Variants in DHRS12 observed in about 807,000 individuals in gnomAD.
The protein encoded by DHRS12 is dehydrogenase/reductase SDR family member 12.
Under a neutral mutation model 32.1 loss-of-function variants are expected in DHRS12, and 29 were observed. That is an observed-to-expected ratio of 0.90 (90% CI 0.67 to 1.23). DHRS12 has a LOEUF of 1.23. Ranked by LOEUF, DHRS12 falls within the 50% of genes most tolerant of loss-of-function variation. DHRS12 has a pLI of 0.00. For missense variants in DHRS12, 330 were observed against 337.2 expected (o/e 0.98, Z 0.17); for synonymous variants, 150 against 135.9 (o/e 1.10, Z -0.72).
chr13:51,770,795 C>T (rs1234664748), intron 7 of DHRS12: 1 of 1,024,664 alleles, frequency 9.8e-7, no homozygotes, highest in Non-Finnish European at 1.2e-6. Context: ...AACTTGGTAT[C>T]TTCATTTAAT....
intron 1 of DHRS12, 27 bp from the exon 2 acceptor site, chr13:51,799,694 C>G: frequency 6.2e-7 from 1 of 1,611,320 alleles, no homozygotes; most frequent in Non-Finnish European, 8.5e-7. Context: ...CACAGGAAGA[C>G]CAGCTGTAAG....
intron 2 of DHRS12, 39 bp downstream of exon 2, chr13:51,799,495 C>T (rs752788272): frequency 2.5e-6 from 4 of 1,609,860 alleles, no homozygotes; most frequent in South Asian, 1.1e-5. Context: ...GCAGTCTGGC[C>T]GTGGGGCTCA....
At position 51,787,797 on chromosome 13, in the gene DHRS12, T is replaced by TAATATACA. The variant is rs10657566; in HGVS notation, c.301+2213_301+2214insTGTATATT. On this transcript the variant is annotated intron_variant, in intron 4 of 8. Transcript: ENST00000444610. Reference sequence around the variant, plus strand: ...TTATATATAATTTATAATATATTAATATATATTTATATATAATTTATATAT... The same window carrying TAATATACA: ...TTATATATAATTTATAATATATTAATAATATACAATATATTTATATATAATTTATATAT... Among the ~76,000 whole-genome samples, 3 of 125,966 alleles carry TAATATACA rather than the reference T, an allele frequency of 2.4e-5. No individual in the cohort carries two copies. The South Asian group carries it at 6.5e-4, about 27-fold the overall frequency. The allele number at this position is 125,966 out of a possible 152,430, so 82.6% of individuals were successfully genotyped here.
At position 51,782,612 on chromosome 13, in the gene DHRS12, CTGG is replaced by C. The variant is rs1954768326; in HGVS notation, c.302-5494_302-5492del. On this transcript the variant is annotated intron_variant, in intron 4 of 8. Transcript: ENST00000444610. This position sits in a 1 kb window ranked among gnomAD's most constrained non-coding sequence, Gnocchi z 4.2. The stretch of plus-strand genomic sequence containing the variant: ...CCCGGGACTCGGGGACCATGAGAGG[CTGG>C]TGGAGGAAGTGCTGTGCAGGCTTTT... Among the ~76,000 whole-genome samples, 1 of 152,140 alleles carries C rather than the reference CTGG, an allele frequency of 6.6e-6. No homozygotes were observed. Among genetic ancestry groups the C allele is most frequent in the Admixed American group, 6.5e-5 (1 of 15,276 alleles).
intron 4 of DHRS12, among the ~76,000 whole-genome samples, chr13:51,778,087 A>G (rs1954529448): frequency 6.6e-6 from 1 of 152,210 alleles, no homozygotes; most frequent in South Asian, 2.1e-4. Context: ...GCTGCCTGGC[A>G]TCGTGGGAAG....
At chr13:51,770,966 A>C (rs1462357159) in intron 7 of DHRS12, 1 of 1,332,692 alleles carries the variant, frequency 7.5e-7, no homozygotes, top group African/African-American at 1.5e-5. Flanking sequence ...TCTTAGGATG[A>C]ATTCCAAGGC....
At position 51,773,958 on chromosome 13, in the gene DHRS12, T is replaced by A; in HGVS notation, c.440A>T (p.Asp147Val). 6.2e-7 allele frequency: 1 copy of A among 1,614,076 alleles called. No homozygotes were observed. The highest frequency in any genetic ancestry group is 8.5e-7 in the Non-Finnish European group (1 of 1,179,946). Residue 147 changes from aspartate (D) to valine (V), a missense_variant, in exon 6 of 9, where the codon GAT becomes GTT. Transcript: ENST00000444610. Reference protein sequence around the residue: ...NDLQSERTPFDGTMVYAQNKR... With the variant: ...NDLQSERTPFVGTMVYAQNKR... ...GTTTTGTGCATAGACCATAGTTCCA[T>A]CAAATGGTGTTCTTTCGGACTGGAG...
intron 4 of DHRS12, among the ~76,000 whole-genome samples, chr13:51,785,701 G>A (rs1489278145): frequency 6.6e-6 from 1 of 152,226 alleles, no homozygotes; most frequent in Admixed American, 6.5e-5. Context: ...GCCCAGCTGA[G>A]ATCAGCCTGC....
rs1326849830 is a variant in DHRS12, at chr13:51,768,171, C to CTG, written c.*14_*15dup. 6.5e-7 allele frequency: 1 copy of CTG among 1,536,146 alleles called. No homozygotes were observed. The highest frequency in any genetic ancestry group is 2.0e-5 in the Admixed American group (1 of 51,006). ...CTTCTAAGGCAATTCTGGTACCGCA[C>CTG]TGTGTCTGGGTTGGCCTATTTAAAT... On this transcript the variant is annotated 3_prime_UTR_variant, in exon 9 of 9. Coordinates refer to ENST00000444610, the MANE Select transcript of DHRS12 (RefSeq NM_001377533.1).
chr13:51,779,453 CA>C (rs1468994666), intron 4 of DHRS12, among the ~76,000 whole-genome samples: 4 of 152,196 alleles, frequency 2.6e-5, no homozygotes, highest in African/African-American at 2.4e-5. Context: ...TGGACTGGGC[CA>C]GGGGGGTGAC....
rs189527950 is a variant in DHRS12 at position 51,768,199 on chromosome 13, C to A, written c.795G>T (p.Gln265His). Residue 265 changes from glutamine to histidine, a missense_variant, in exon 9 of 9, where the codon CAG (glutamine) becomes CAT (histidine). Physicochemically the swap from Gln to His is conservative, Grantham distance 24. Coordinates refer to ENST00000444610, the MANE Select transcript of DHRS12 (RefSeq NM_001377533.1). ...KLIEILEQLA[Q>H]TFK ...TGTCTGGGTTGGCCTATTTAAATGTCTGAGCCAGCTGTTCCAGGATTTCAA... is the reference window on the plus strand; with the variant it reads ...TGTCTGGGTTGGCCTATTTAAATGTATGAGCCAGCTGTTCCAGGATTTCAA... The A allele has an allele frequency of 3.9e-4, 595 of 1,536,132 alleles. 3 individuals carry two copies. The highest frequency in any genetic ancestry group is 3.6e-5 in the Non-Finnish European group (41 of 1,146,900).
chr13:51,787,934 T>TATATAATTATATATA (rs1483347283), intron 4 of DHRS12, among the ~76,000 whole-genome samples: 1 of 20,246 alleles, frequency 4.9e-5, no homozygotes, highest in Non-Finnish European at 1.3e-4. Flanking sequence ...TATATACTTA[T>TATATAATTATATATA]ATATATAATT....
At chr13:51,788,098 C>T (rs1459403506) in intron 4 of DHRS12, among the ~76,000 whole-genome samples, 2 of 151,230 alleles carry the variant, frequency 1.3e-5, no homozygotes, top group Non-Finnish European at 2.9e-5. Context: ...GGACCCTGCA[C>T]CTGGTTTAAT....
chr13:51,795,757 C>T lies in DHRS12; in HGVS notation c.126+3777G>A, dbSNP rs481797. 7.4e-3 allele frequency among the ~76,000 whole-genome samples: 1,134 copies of T among 152,248 alleles called. 15 individuals are homozygous for T. Among genetic ancestry groups the T allele is most frequent in the African/African-American group, 0.024 (986 of 41,540 alleles). On this transcript the variant is annotated intron_variant, in intron 2 of 8. Coordinates refer to ENST00000444610, the MANE Select transcript of DHRS12 (RefSeq NM_001377533.1). ...ACCAGGGAAGCCAATATCTCAATTCCCCCCTTCCTTTCACCTAGCAATCTT... is the reference window on the plus strand; with the variant it reads ...ACCAGGGAAGCCAATATCTCAATTCTCCCCTTCCTTTCACCTAGCAATCTT...
chr13:51,791,250 A>G lies in DHRS12; in HGVS notation c.134T>C (p.Phe45Ser), dbSNP rs993493042. The stretch of plus-strand genomic sequence containing the variant: ...ATCAGACAAGTCCACAATGTGCAGA[A>G]AAATGTTCTAAATTAGAAAGCAAAA... The part of the protein sequence containing the change: ...LPLKSPSENI[F>S]LHIVDLSDPK... The change falls in exon 3 of 9, where the codon TTT (phenylalanine) becomes TCT (serine). Residue 45 changes from phenylalanine to serine, a missense_variant. Transcript: ENST00000444610. The G allele has an allele frequency of 1.3e-6, 2 of 1,509,680 alleles. No homozygotes were observed. The highest frequency in any genetic ancestry group is 8.9e-7 in the Non-Finnish European group (1 of 1,125,834). The allele number at this position is 1,509,680 out of a possible 1,614,324, so 93.5% of individuals were successfully genotyped here.
At chr13:51,792,589 G>A (rs1178027221) in intron 2 of DHRS12, among the ~76,000 whole-genome samples, 4 of 152,016 alleles carry the variant, frequency 2.6e-5, no homozygotes, top group East Asian at 1.9e-4. Flanking sequence ...TAGGAGAGAC[G>A]GTGTTTCATC....
At chr13:51,772,651 C>T (rs1954085455) in intron 6 of DHRS12, 1 of 985,452 alleles carries the variant, frequency 1.0e-6, no homozygotes, top group Non-Finnish European at 1.2e-6. Context: ...ACAGAGAATA[C>T]ATCAGTTATA....
chr13:51,793,459 C>T (rs562442634), intron 2 of DHRS12, among the ~76,000 whole-genome samples: 1 of 152,332 alleles, frequency 6.6e-6, no homozygotes, highest in Non-Finnish European at 1.5e-5. Flanking sequence ...TTTATTTCTA[C>T]TCATCTTAAA....
intron 2 of DHRS12, among the ~76,000 whole-genome samples, chr13:51,798,789 CCTT>C (rs1422395275): frequency 7.9e-5 from 12 of 152,240 alleles, no homozygotes; most frequent in Admixed American, 7.9e-4. Flanking sequence ...TAGTTCCCCA[CCTT>C]CTGCTGGAAC....
Sources: allele counts gnomAD v4.1 joint callset (sites outside exome capture counted in the v4.1 genomes callset), GRCh38; gene constraint gnomAD v4.1.1; non-coding constraint Gnocchi (gnomAD v3.1); transcripts MANE v1.5; gene names NCBI Gene and HGNC (gene_info 2026-07-23, HGNC 2026-07-21).